Variants in AGTPBP1 observed in about 807,000 individuals in gnomAD.
AGTPBP1 encodes the protein ATP/GTP binding carboxypeptidase 1.
In AGTPBP1, 70 loss-of-function variants were observed where a neutral mutation model predicts 143.9. The observed-to-expected ratio is 0.49, with a 90% confidence interval of 0.40 to 0.59. AGTPBP1 has a LOEUF of 0.59. AGTPBP1 is among the 20% of genes least tolerant of loss of function. The pLI is 0.00. For synonymous variants in AGTPBP1, 463 were observed against 500.2 expected (o/e 0.93, Z 0.99); for missense variants, 1,229 against 1,464.5 (o/e 0.84, Z 2.62).
chr9:85,652,262 G>C (rs1157108844), intron 11 of AGTPBP1, among the ~76,000 whole-genome samples: 1 of 152,150 alleles, frequency 6.6e-6, no homozygotes, highest in Non-Finnish European at 1.5e-5. Flanking sequence ...TGTAATCCTA[G>C]CACTTTGGGA....
In AGTPBP1 at chr9:85,642,862, C is replaced by G; in HGVS notation, c.1267G>C (p.Glu423Gln). Reference protein sequence around the residue: ...GRTIEDLKMYEHLFPELVDDF... With the variant: ...GRTIEDLKMYQHLFPELVDDF... ...TCAACAAGCTCAGGGAAAAGGTGTTCATACATTTTTAGATCTTCTATTGTT... is the reference window on the plus strand; with the variant it reads ...TCAACAAGCTCAGGGAAAAGGTGTTGATACATTTTTAGATCTTCTATTGTT... The change falls in exon 13 of 26, where the codon GAA becomes CAA. Residue 423 changes from glutamate (E) to glutamine (Q), a missense_variant. Physicochemically the swap from Glu to Gln is conservative, Grantham distance 29. Around this residue, in one of 2 missense-constraint regions of AGTPBP1, gnomAD observed 743 missense variants for 812.2 expected, o/e 0.91. Transcript: ENST00000357081. 1 of 1,612,860 alleles carries G rather than the reference C, an allele frequency of 6.2e-7. No homozygotes were observed. Among genetic ancestry groups the G allele is most frequent in the Non-Finnish European group, 8.5e-7 (1 of 1,179,676 alleles).
chr9:85,682,076 T>C (rs1317779315), intron 3 of AGTPBP1, among the ~76,000 whole-genome samples: 4 of 142,714 alleles, frequency 2.8e-5, no homozygotes, highest in Non-Finnish European at 6.0e-5. Flanking sequence ...AAATTCTGTA[T>C]CACACAAAAA....
rs34329715 is a variant in AGTPBP1, at chr9:85,676,661, A to G, written c.436+775T>C. ...CCAAAAAACTAAAAATAGAATTACC[A>G]GATGATCTAGCAGTCCTACTGTTGG... is the stretch of plus-strand genomic sequence containing the variant. On this transcript the variant is annotated intron_variant, in intron 6 of 25. Transcript: ENST00000357081. Among the ~76,000 whole-genome samples the G allele has an allele frequency of 6.3e-3, 956 of 152,322 alleles. 4 individuals are homozygous for G. The highest frequency in any genetic ancestry group is 0.01 in the Non-Finnish European group (710 of 68,020).
chr9:85,593,223 T>C (rs915073171), intron 18 of AGTPBP1, among the ~76,000 whole-genome samples: 1 of 152,198 alleles, frequency 6.6e-6, no homozygotes, highest in African/African-American at 2.4e-5. Flanking sequence ...TGATCAAGCT[T>C]CTAGATCTAA....
chr9:85,717,335 C>A (rs1201962707), intron 1 of AGTPBP1, among the ~76,000 whole-genome samples: 1 of 152,028 alleles, frequency 6.6e-6, no homozygotes, highest in East Asian at 1.9e-4. Flanking sequence ...AAGAGCCCTT[C>A]TCTAAAAAAT....
chr9:85,629,163 C>T (rs935288256), intron 14 of AGTPBP1, among the ~76,000 whole-genome samples: 14 of 152,200 alleles, frequency 9.2e-5, no homozygotes, highest in African/African-American at 2.9e-4. Flanking sequence ...ATGCTACTTA[C>T]CTCACACTAT....
upstream of AGTPBP1, among the ~76,000 whole-genome samples, chr9:85,744,127 T>G (rs1824556195): frequency 6.6e-6 from 1 of 151,966 alleles, no homozygotes; most frequent in Non-Finnish European, 1.5e-5. Flanking sequence ...AGTCGGGGTC[T>G]CCCTAAGTCA....
At chr9:85,582,670 A>C (rs572029672) in intron 23 of AGTPBP1, among the ~76,000 whole-genome samples, 1 of 151,572 alleles carries the variant, frequency 6.6e-6, no homozygotes, top group Admixed American at 6.6e-5. Flanking sequence ...ACAGAGTGAG[A>C]CTCCATCTCA....
At chr9:85,761,754 A>G in the AGTPBP1 span, among the ~76,000 whole-genome samples, 1 of 152,228 alleles carries the variant, frequency 6.6e-6, no homozygotes, top group Non-Finnish European at 1.5e-5. Context: ...CAATGGCAAC[A>G]AAAGCCAAAA....
chr9:85,772,476 G>C, the AGTPBP1 span, among the ~76,000 whole-genome samples: 1 of 152,210 alleles, frequency 6.6e-6, no homozygotes, highest in African/African-American at 2.4e-5. Context: ...GGCTGGGTGT[G>C]GTGGCTCACG....
At chr9:85,596,598 C>T (rs909718279) in intron 17 of AGTPBP1, 149 bp from the exon 18 acceptor site, 9 of 553,842 alleles carry the variant, frequency 1.6e-5, no homozygotes, top group Admixed American at 3.5e-5. Flanking sequence ...AAATCTGATG[C>T]ATTTCTTAAA....
At chr9:85,630,741 A>T (rs1016264953) in intron 14 of AGTPBP1, among the ~76,000 whole-genome samples, 3 of 151,934 alleles carry the variant, frequency 2.0e-5, no homozygotes, top group Non-Finnish European at 4.4e-5. Flanking sequence ...TGGCCTGACA[A>T]AGTGCTGGGA....
chr9:85,559,173 G>A (rs929606066), intron 25 of AGTPBP1, among the ~76,000 whole-genome samples: 4 of 152,098 alleles, frequency 2.6e-5, no homozygotes, highest in African/African-American at 9.7e-5. Context: ...AGTATTTCCA[G>A]CTTTGACCTG....
At chr9:85,632,280 C>T (rs983888502) in intron 14 of AGTPBP1, among the ~76,000 whole-genome samples, 2 of 152,038 alleles carry the variant, frequency 1.3e-5, no homozygotes, top group Non-Finnish European at 2.9e-5. Context: ...TGATTTATAG[C>T]CTATTTTTAA....
chr9:85,786,835 C>T, the AGTPBP1 span, among the ~76,000 whole-genome samples: 6 of 151,878 alleles, frequency 4.0e-5, no homozygotes, highest in Admixed American at 2.6e-4. Context: ...TTTATAAATA[C>T]GCTTAAATGT....
intron 18 of AGTPBP1, 79 bp downstream of exon 18, chr9:85,596,283 T>A (rs1829294684): frequency 8.3e-6 from 8 of 966,364 alleles, no homozygotes; most frequent in Non-Finnish European, 9.2e-6. Context: ...CTCTACTGTT[T>A]CCTTTTACAC....
chr9:85,709,364 A>G (rs1031963424), intron 2 of AGTPBP1, among the ~76,000 whole-genome samples: 2 of 152,220 alleles, frequency 1.3e-5, no homozygotes, highest in African/African-American at 4.8e-5. Flanking sequence ...AGTTAACAAA[A>G]TGTTTAAAGG....
At chr9:85,603,017 C>T (rs562547443) in intron 17 of AGTPBP1, among the ~76,000 whole-genome samples, 2 of 152,260 alleles carry the variant, frequency 1.3e-5, no homozygotes, top group Admixed American at 6.5e-5. Flanking sequence ...ACCTGAGTTC[C>T]GGCTAGCCCC....
At chr9:85,668,476 A>G (rs1344033993) in intron 8 of AGTPBP1, among the ~76,000 whole-genome samples, 1 of 152,002 alleles carries the variant, frequency 6.6e-6, no homozygotes, top group African/African-American at 2.4e-5. Flanking sequence ...AAAAAAAAAG[A>G]AATTAATAAT....
Sources: gnomAD v4.1 joint callset for allele counts (sites outside exome capture counted in the v4.1 genomes callset) on GRCh38, gnomAD v4.1.1 for gene constraint, gnomAD v4.1.1 regional missense constraint, MANE v1.5 for transcripts, NCBI Gene and HGNC (gene_info 2026-07-23, HGNC 2026-07-21) for gene names.